INO80C: variants seen among roughly 807,000 people sequenced by gnomAD.
INO80C encodes IES6 homolog.
In INO80C, 17 loss-of-function variants were observed where a neutral mutation model predicts 17.7. The observed-to-expected ratio is 0.96, with a 90% CI of 0.66 to 1.44. The LOEUF (loss-of-function observed/expected upper bound fraction) is 1.44. Among genes scored for constraint, INO80C ranks in the 40% most tolerant of loss-of-function variants. The pLI, the probability that INO80C is intolerant of heterozygous loss-of-function variation, is 0.00. For missense variants in INO80C, 244 were observed against 245.0 expected, an observed-to-expected ratio of 1.00 and a Z score of 0.03; for synonymous variants, 96 against 95.8, an observed-to-expected ratio of 1.00 and a Z score of -0.01.
At chr18:35,490,435 A>G (rs1266050216) in intron 1 of INO80C, among the ~76,000 whole-genome samples, 2 of 152,224 alleles carry the variant, frequency 1.3e-5, no homozygotes, top group Admixed American at 1.3e-4. Context: ...CTTCAGGTCT[A>G]ATTCAGGGTA....
chr18:35,490,774 G>A (rs1256472382), intron 1 of INO80C, among the ~76,000 whole-genome samples: 1 of 151,502 alleles, frequency 6.6e-6, no homozygotes, highest in Non-Finnish European at 1.5e-5. Context: ...TGTTGTTGTT[G>A]AGATAGGGTC....
intron 1 of INO80C, among the ~76,000 whole-genome samples, chr18:35,490,201 T>A (rs1209034838): frequency 6.6e-6 from 1 of 151,934 alleles, no homozygotes; most frequent in Non-Finnish European, 1.5e-5. Context: ...GAACATGGGG[T>A]GAGCCGGTCC....
chr18:35,495,724 G>T (rs139344205), intron 1 of INO80C, among the ~76,000 whole-genome samples: 97 of 152,234 alleles, frequency 6.4e-4, no homozygotes, highest in Middle Eastern at 3.4e-3. Flanking sequence ...TTATCAAAAC[G>T]CACCAGTCGC....
chr18:35,475,847 A>G (rs980309270), intron 4 of INO80C, among the ~76,000 whole-genome samples: 1 of 152,250 alleles, frequency 6.6e-6, no homozygotes, highest in Non-Finnish European at 1.5e-5. Context: ...AGGTGGAAAC[A>G]GAATGAAATG....
intron 4 of INO80C, 23 bp downstream of exon 4, chr18:35,478,259 A>T (rs752702307): frequency 6.6e-7 from 1 of 1,504,596 alleles, no homozygotes; most frequent in Non-Finnish European, 9.2e-7. Context: ...ATTTAATGTT[A>T]TAAGAGATAT....
chr18:35,495,652 G>A (rs962356370), intron 1 of INO80C, among the ~76,000 whole-genome samples: 4 of 152,018 alleles, frequency 2.6e-5, no homozygotes, highest in Non-Finnish European at 5.9e-5. Context: ...ATCCCTTTGG[G>A]GTCAAAACAA....
rs59691905 is a variant in INO80C at position 35,468,448 on chromosome 18, T to TA, written c.*162dup. 0.017 allele frequency: 21,383 copies of TA among 1,241,314 alleles called. No homozygotes were observed. Among genetic ancestry groups the TA allele is most frequent in the East Asian group, 0.048 (1,770 of 36,634 alleles). 76.9% of individuals were successfully genotyped at this position (1,241,314 alleles called of 1,614,324 possible). A position where few individuals can be genotyped will look rare whatever the true frequency, so the allele number is the denominator to read the frequency against. On this transcript the variant is annotated 3_prime_UTR_variant, in exon 5 of 5. Coordinates refer to ENST00000334598, the MANE Select transcript of INO80C (RefSeq NM_194281.4). ...TCACACTTGGAGGGAAAACACACACTAAAAAAAAAAAAAACCCTTAAATTA... is the reference window on the plus strand; with the variant it reads ...TCACACTTGGAGGGAAAACACACACTAAAAAAAAAAAAAAACCCTTAAATTA...
chr18:35,484,111 A>G (rs1335354084), intron 1 of INO80C, among the ~76,000 whole-genome samples: 1 of 152,240 alleles, frequency 6.6e-6, no homozygotes, highest in Non-Finnish European at 1.5e-5. Context: ...TAAAGGCCAA[A>G]AAGAACCATA....
At chr18:35,497,301 A>G in intron 1 of INO80C, 1 of 979,132 alleles carries the variant, frequency 1.0e-6, no homozygotes, top group African/African-American at 1.7e-5. Flanking sequence ...CATACTTATC[A>G]ATACATCTTG....
At chr18:35,483,994 C>T (rs1279593083) in intron 1 of INO80C, among the ~76,000 whole-genome samples, 2 of 152,090 alleles carry the variant, frequency 1.3e-5, no homozygotes, top group Non-Finnish European at 1.5e-5. Flanking sequence ...ACCCTGTAAA[C>T]ACAAATTCAC....
At chr18:35,487,301 T>C (rs1365639080) in intron 1 of INO80C, 2 of 307,836 alleles carry the variant, frequency 6.5e-6, no homozygotes, top group Non-Finnish European at 1.3e-5. Context: ...GTCAAGGTCA[T>C]TGTGTTAGTC....
chr18:35,469,045 T>C (rs562028549), intron 4 of INO80C, among the ~76,000 whole-genome samples: 1 of 152,282 alleles, frequency 6.6e-6, no homozygotes, highest in African/African-American at 2.4e-5. Flanking sequence ...TGGTCATCCC[T>C]CCCTGCCTTC....
chr18:35,475,181 T>C (rs9964280), intron 4 of INO80C, among the ~76,000 whole-genome samples: 11,214 of 152,100 alleles, frequency 0.074, 1,278 homozygotes, highest in East Asian at 0.43. Flanking sequence ...AGAGAAGATC[T>C]TGAAGGCAGT....
rs2144014986 is a variant in INO80C, at chr18:35,468,598, C to T, written c.*13G>A. On this transcript the variant is annotated 3_prime_UTR_variant, in exon 5 of 5. Transcript: ENST00000334598. ...TTTGAAACAGCTTTCCACTTCATCT[C>T]CCTTTCTGGGGCTCAGGGAACGATG... 1 of 1,614,130 alleles carries T rather than the reference C, an allele frequency of 6.2e-7. No individual in the cohort carries two copies. Among genetic ancestry groups the T allele is most frequent in the South Asian group, 1.1e-5 (1 of 91,078 alleles).
chr18:35,480,712 G>A (rs2045796826), intron 1 of INO80C, 149 bp from the exon 2 acceptor site: 1 of 644,964 alleles, frequency 1.6e-6, no homozygotes. Flanking sequence ...TGCCCTAGGG[G>A]AGGGCACACC....
intron 1 of INO80C, 121 bp from the exon 2 acceptor site, chr18:35,480,684 G>A (rs746897940): frequency 8.2e-5 from 62 of 757,960 alleles, no homozygotes; most frequent in Non-Finnish European, 1.3e-4. Flanking sequence ...AGTATGCCCA[G>A]AGCTCCAGCA....
intron 1 of INO80C, among the ~76,000 whole-genome samples, chr18:35,485,331 T>C (rs2045860625): frequency 6.6e-6 from 1 of 152,116 alleles, no homozygotes; most frequent in South Asian, 2.1e-4. Context: ...AGTATATACA[T>C]AAATCCAGAA....
At position 35,497,807 on chromosome 18, in the gene INO80C, C is replaced by T. The variant is rs1450501772; in HGVS notation, c.68G>A (p.Arg23Lys). Residue 23 changes from arginine to lysine, a missense_variant, in exon 1 of 5, where the codon AGG becomes AAG. Arg to Lys is a conservative substitution (Grantham distance 26). Coordinates refer to ENST00000334598, the MANE Select transcript of INO80C (RefSeq NM_194281.4). ...TPGIVRNSKK[R>K]PASPSHNGSS... ...GCCATTGTGGGAAGGGCTGGCCGGC[C>T]TCTTCTTGCTGTTCCGGACTATTCC... 5 of 1,612,750 alleles carry T rather than the reference C, an allele frequency of 3.1e-6. No homozygotes were observed. Among genetic ancestry groups the T allele is most frequent in the East Asian group, 4.5e-5 (2 of 44,630 alleles).
At chr18:35,492,228 T>C (rs1440167413) in intron 1 of INO80C, among the ~76,000 whole-genome samples, 3 of 152,244 alleles carry the variant, frequency 2.0e-5, no homozygotes, top group African/African-American at 4.8e-5. Flanking sequence ...AAGGTTACTA[T>C]AGGGTTACTT....
Sources: allele counts gnomAD v4.1 joint callset (sites outside exome capture counted in the v4.1 genomes callset), GRCh38; gene constraint gnomAD v4.1.1; transcripts MANE v1.5; gene names NCBI Gene and HGNC (gene_info 2026-07-23, HGNC 2026-07-21).